Variants in GRID1 observed in about 807,000 individuals in gnomAD.
GRID1 encodes the protein glutamate receptor ionotropic, delta-1.
In GRID1, 28 loss-of-function variants were observed where a neutral mutation model predicts 98.0. That is an observed-to-expected ratio of 0.29 (90% confidence interval 0.21 to 0.39). The LOEUF (loss-of-function observed/expected upper bound fraction) is 0.39, where lower values mean the gene tolerates loss of function less well. Among genes scored for constraint, GRID1 ranks in the 10% least tolerant of loss-of-function variants. GRID1 has a pLI of 1.00. For missense variants in GRID1, 1,111 were observed against 1,340.5 expected, an observed-to-expected ratio of 0.83 and a Z score of 2.67; for synonymous variants, 553 against 538.5, an observed-to-expected ratio of 1.03 and a Z score of -0.37.
intron 13 of GRID1, among the ~76,000 whole-genome samples, chr10:85,644,609 T>A (rs1279733268): frequency 1.3e-5 from 2 of 152,150 alleles, no homozygotes; most frequent in African/African-American, 4.8e-5. Flanking sequence ...GTTTCCAGGG[T>A]TTTGGTTCTA....
At chr10:85,855,923 C>T in intron 7 of GRID1, 106 bp downstream of exon 7, 1 of 952,064 alleles carries the variant, frequency 1.1e-6, no homozygotes, top group Non-Finnish European at 1.6e-6. Context: ...CCTACTGGGG[C>T]AGCCACACAG....
At chr10:85,806,928 G>A (rs1233397705) in intron 8 of GRID1, among the ~76,000 whole-genome samples, 1 of 151,908 alleles carries the variant, frequency 6.6e-6, no homozygotes, top group Non-Finnish European at 1.5e-5. Context: ...TTTAATATTT[G>A]TAAATTACAT....
intron 4 of GRID1, among the ~76,000 whole-genome samples, chr10:86,109,818 G>T (rs1049674038): frequency 1.3e-5 from 2 of 152,154 alleles, no homozygotes; most frequent in East Asian, 3.8e-4. Flanking sequence ...GAACTCTAGA[G>T]GAAGATGGCT....
chr10:85,656,710 G>C (rs1370537979), intron 12 of GRID1, among the ~76,000 whole-genome samples: 1 of 152,024 alleles, frequency 6.6e-6, no homozygotes, highest in African/African-American at 2.4e-5. Context: ...CTTATGTATC[G>C]CACATACAAA....
At chr10:86,154,503 C>T (rs1845216737) in intron 3 of GRID1, among the ~76,000 whole-genome samples, 1 of 152,078 alleles carries the variant, frequency 6.6e-6, no homozygotes, top group Admixed American at 6.5e-5. Context: ...AGAAGGGCCC[C>T]CGGCTTCTTG....
intron 4 of GRID1, among the ~76,000 whole-genome samples, chr10:85,951,316 G>C (rs1277717494): frequency 6.6e-6 from 1 of 152,160 alleles, no homozygotes; most frequent in Non-Finnish European, 1.5e-5. Flanking sequence ...CAAATAAAAG[G>C]ACAAGCAGCA....
At chr10:85,822,584 T>C (rs1590248506) in intron 8 of GRID1, among the ~76,000 whole-genome samples, 1 of 152,300 alleles carries the variant, frequency 6.6e-6, no homozygotes, top group South Asian at 2.1e-4. Flanking sequence ...TTTTACACCA[T>C]TGGTGGGACT....
chr10:86,195,735 T>A lies in GRID1; in HGVS notation c.520+10629A>T, dbSNP rs980703837. Among the ~76,000 whole-genome samples the A allele has an allele frequency of 1.3e-5, 2 of 152,102 alleles. No individual in the cohort carries two copies. Among genetic ancestry groups the A allele is most frequent in the African/African-American group, 4.8e-5 (2 of 41,434 alleles). On this transcript the variant is annotated intron_variant, in intron 3 of 15. Transcript: ENST00000327946. The surrounding 1 kb of genome is among the most constrained non-coding windows in gnomAD (Gnocchi z 4.4). ...GAGAGGAGACATAATGTTACCCACA[T>A]GGCTGTGTCTGGGCGTGACCCCCAC...
At chr10:85,919,458 G>A (rs1841669708) in intron 4 of GRID1, among the ~76,000 whole-genome samples, 1 of 152,168 alleles carries the variant, frequency 6.6e-6, no homozygotes. Context: ...GATAGATGGA[G>A]AGAAGGAGAA....
intron 4 of GRID1, among the ~76,000 whole-genome samples, chr10:86,047,484 G>T (rs899342447): frequency 2.0e-5 from 3 of 152,224 alleles, no homozygotes; most frequent in Admixed American, 1.3e-4. Context: ...TAATAGGGTG[G>T]TGTGTACAAT....
chr10:86,240,482 G>T (rs1455742108), intron 2 of GRID1, among the ~76,000 whole-genome samples: 1 of 152,166 alleles, frequency 6.6e-6, no homozygotes, highest in Non-Finnish European at 1.5e-5. Flanking sequence ...TGAGAGGAAG[G>T]TGCAGGGAAG....
intron 13 of GRID1, among the ~76,000 whole-genome samples, chr10:85,645,339 C>T (rs1843173476): frequency 1.3e-5 from 2 of 152,172 alleles, no homozygotes; most frequent in Non-Finnish European, 1.5e-5. Context: ...TCATTATCTT[C>T]AAATGAGGTC....
chr10:85,641,485 A>G (rs187639603), intron 13 of GRID1, among the ~76,000 whole-genome samples: 1 of 152,340 alleles, frequency 6.6e-6, no homozygotes, highest in Admixed American at 6.5e-5. Context: ...CAAAATGTAC[A>G]CAAGGGGGTG....
At chr10:86,283,506 T>A (rs2132069456) in intron 2 of GRID1, among the ~76,000 whole-genome samples, 1 of 152,150 alleles carries the variant, frequency 6.6e-6, no homozygotes, top group African/African-American at 2.4e-5. Flanking sequence ...GAAAGAGCTG[T>A]GGCTGGGTAG....
At chr10:85,697,856 C>T (rs868849984) in intron 12 of GRID1, among the ~76,000 whole-genome samples, 5 of 152,116 alleles carry the variant, frequency 3.3e-5, no homozygotes, top group South Asian at 2.1e-4. Context: ...TAGTCATATA[C>T]GGATTCTGAT....
chr10:86,197,951 G>T (rs1263575376), intron 3 of GRID1, among the ~76,000 whole-genome samples: 1 of 151,998 alleles, frequency 6.6e-6, no homozygotes, highest in Admixed American at 6.6e-5. Context: ...TACTCATTTT[G>T]TCTGGAAAAA....
chr10:85,700,041 C>T (rs1841434339), intron 12 of GRID1, among the ~76,000 whole-genome samples: 1 of 152,148 alleles, frequency 6.6e-6, no homozygotes, highest in South Asian at 2.1e-4. Flanking sequence ...CTACAATCTT[C>T]TCTCCCACAT....
intron 8 of GRID1, among the ~76,000 whole-genome samples, chr10:85,767,658 C>T (rs572881739): frequency 7.2e-5 from 11 of 152,280 alleles, no homozygotes; most frequent in Non-Finnish European, 1.0e-4. Flanking sequence ...CAAGGGAAAG[C>T]GGTGGGCATT....
intron 4 of GRID1, among the ~76,000 whole-genome samples, chr10:86,127,803 C>T (rs1279507873): frequency 6.6e-6 from 1 of 152,206 alleles, no homozygotes; most frequent in East Asian, 1.9e-4. Context: ...AGCTCCCCAT[C>T]TCTGAGCCAC....
Sources: gnomAD v4.1 joint callset for allele counts (sites outside exome capture counted in the v4.1 genomes callset) on GRCh38, gnomAD v4.1.1 for gene constraint, Gnocchi (gnomAD v3.1) non-coding constraint, MANE v1.5 for transcripts, NCBI Gene and HGNC (gene_info 2026-07-23, HGNC 2026-07-21) for gene names.